Variants in SPTLC3 observed in about 807,000 individuals in gnomAD.
SPTLC3 encodes serine palmitoyltransferase 3.
SPTLC3 carries 36 observed loss-of-function variants against 59.3 expected under a neutral mutation model. The ratio of observed to expected loss-of-function variants is 0.61; its 90% CI spans 0.47 to 0.80. The LOEUF (loss-of-function observed/expected upper bound fraction) is 0.80, where lower values mean the gene tolerates loss of function less well. SPTLC3 is among the 30% of genes least tolerant of loss of function. The pLI is 0.00. For missense variants in SPTLC3, 625 were observed against 685.1 expected, an observed-to-expected ratio of 0.91 and a Z score of 0.98; for synonymous variants, 257 against 240.8, an observed-to-expected ratio of 1.07 and a Z score of -0.62.
At chr20:13,084,347 A>T (rs1010753451) in intron 4 of SPTLC3, among the ~76,000 whole-genome samples, 11 of 152,224 alleles carry the variant, frequency 7.2e-5, no homozygotes, top group Non-Finnish European at 1.0e-4. Context: ...TTAAGAACAT[A>T]CAGATGCTTA....
chr20:13,142,419 C>A (rs2038405227), intron 9 of SPTLC3, among the ~76,000 whole-genome samples: 1 of 152,140 alleles, frequency 6.6e-6, no homozygotes, highest in Admixed American at 6.5e-5. Flanking sequence ...AACATTATTC[C>A]ATCTGTAGCA....
At chr20:13,032,186 T>G (rs185590781) in intron 1 of SPTLC3, among the ~76,000 whole-genome samples, 2 of 152,328 alleles carry the variant, frequency 1.3e-5, no homozygotes, top group African/African-American at 2.4e-5. Flanking sequence ...ATAAAAGCTC[T>G]GTGTTCCTCA....
intron 4 of SPTLC3, among the ~76,000 whole-genome samples, chr20:13,085,844 C>T (rs1988988663): frequency 2.0e-5 from 3 of 151,962 alleles, no homozygotes; most frequent in Admixed American, 2.0e-4. Flanking sequence ...ATGAAAATAC[C>T]ACTTAGAGAG....
chr20:13,110,051 A>G, intron 6 of SPTLC3, 61 bp from the exon 7 acceptor site: 1 of 1,407,048 alleles, frequency 7.1e-7, no homozygotes, highest in Non-Finnish European at 9.7e-7. Flanking sequence ...GGAAAAAGAA[A>G]GTGGAAAAGG....
At chr20:13,136,142 G>T (rs1287615496) in intron 9 of SPTLC3, among the ~76,000 whole-genome samples, 1 of 152,056 alleles carries the variant, frequency 6.6e-6, no homozygotes, top group Non-Finnish European at 1.5e-5. Context: ...AGTCACACAT[G>T]TCCCTCTCTG....
chr20:13,123,656 C>G (rs932426674), intron 8 of SPTLC3, among the ~76,000 whole-genome samples: 3 of 152,200 alleles, frequency 2.0e-5, no homozygotes, highest in African/African-American at 7.2e-5. Context: ...GCTTCTCCCT[C>G]TCTTCCCAAT....
In SPTLC3 at chr20:13,038,480, C is replaced by T. The variant is rs534963343; in HGVS notation, c.118-10465C>T. 2.0e-5 allele frequency among the ~76,000 whole-genome samples: 3 copies of T among 152,172 alleles called. No homozygotes were observed. The South Asian group carries it at 6.2e-4, about 32-fold the overall frequency. Reference sequence around the variant, plus strand: ...AATATGTTGACATATAATTATTCATCGCATTCCCTTATAATCAGTGTTATT... The same window carrying T: ...AATATGTTGACATATAATTATTCATTGCATTCCCTTATAATCAGTGTTATT... On this transcript the variant is annotated intron_variant, in intron 1 of 11. Transcript: ENST00000399002.
intron 2 of SPTLC3, among the ~76,000 whole-genome samples, chr20:13,065,725 C>CTT (rs1473204034): frequency 2.0e-5 from 3 of 151,188 alleles, no homozygotes; most frequent in Non-Finnish European, 4.4e-5. Flanking sequence ...ATACTTAGTA[C>CTT]AGTTGTTTTT....
intron 4 of SPTLC3, among the ~76,000 whole-genome samples, chr20:13,079,511 C>G (rs1988765742): frequency 6.6e-6 from 1 of 152,154 alleles, no homozygotes; most frequent in Non-Finnish European, 1.5e-5. Flanking sequence ...ACCAAAAACA[C>G]TTTCAAAATA....
intron 6 of SPTLC3, among the ~76,000 whole-genome samples, chr20:13,096,666 A>T (rs1282612417): frequency 6.6e-6 from 1 of 152,196 alleles, no homozygotes; most frequent in Non-Finnish European, 1.5e-5. Context: ...GAGAAGAGGC[A>T]TAAAAGAACT....
chr20:13,099,134 C>T (rs1407245669), intron 6 of SPTLC3, among the ~76,000 whole-genome samples: 2 of 152,066 alleles, frequency 1.3e-5, no homozygotes, highest in African/African-American at 4.8e-5. Flanking sequence ...AGACTATCCA[C>T]GTAGGTCTAG....
intron 2 of SPTLC3, among the ~76,000 whole-genome samples, chr20:13,052,982 C>T (rs1987560716): frequency 1.3e-5 from 2 of 152,182 alleles, no homozygotes; most frequent in East Asian, 1.9e-4. Context: ...CAGACTTAAA[C>T]GTTCTTGCCT....
chr20:13,147,987 G>A (rs536979742), intron 9 of SPTLC3, among the ~76,000 whole-genome samples: 15 of 152,244 alleles, frequency 9.9e-5, no homozygotes, highest in South Asian at 2.1e-4. Flanking sequence ...TCACAAACTC[G>A]TCAACCCCAT....
chr20:13,158,351 A>C (rs1436376287), intron 10 of SPTLC3, among the ~76,000 whole-genome samples: 1 of 152,166 alleles, frequency 6.6e-6, no homozygotes, highest in Admixed American at 6.5e-5. Context: ...TTAAATTCAA[A>C]AATGCTCCAG....
intron 9 of SPTLC3, among the ~76,000 whole-genome samples, chr20:13,131,414 G>T (rs2038117922): frequency 6.6e-6 from 1 of 152,112 alleles, no homozygotes; most frequent in Non-Finnish European, 1.5e-5. Context: ...GCAAATTAAA[G>T]GTTGTCAGAA....
At chr20:13,094,644 C>T (rs1438918117) in intron 6 of SPTLC3, among the ~76,000 whole-genome samples, 1 of 152,136 alleles carries the variant, frequency 6.6e-6, no homozygotes, top group Non-Finnish European at 1.5e-5. Context: ...AACCAAAGAA[C>T]AATTGTCCCA....
intron 6 of SPTLC3, 145 bp from the exon 7 acceptor site, chr20:13,109,967 T>C (rs1346992972): frequency 1.6e-6 from 1 of 615,946 alleles, no homozygotes; most frequent in Non-Finnish European, 2.8e-6. Context: ...CCTCTGTCTC[T>C]CTCTCCCTAA....
intron 9 of SPTLC3, among the ~76,000 whole-genome samples, chr20:13,132,655 C>T (rs1600348766): frequency 6.6e-6 from 1 of 152,246 alleles, no homozygotes; most frequent in East Asian, 1.9e-4. Flanking sequence ...TGAAAGAATT[C>T]TTCTCGCTAT....
chr20:13,156,821 C>T (rs960743191), intron 10 of SPTLC3, among the ~76,000 whole-genome samples: 78 of 152,218 alleles, frequency 5.1e-4, no homozygotes, highest in African/African-American at 1.7e-3. Context: ...TTCAACTGAG[C>T]GCAAGGTTGA....
Sources: allele counts gnomAD v4.1 joint callset (sites outside exome capture counted in the v4.1 genomes callset), GRCh38; gene constraint gnomAD v4.1.1; transcripts MANE v1.5; gene names NCBI Gene and HGNC (gene_info 2026-07-23, HGNC 2026-07-21).